CFAP46: variants seen among roughly 807,000 people sequenced by gnomAD.
The protein encoded by CFAP46 is cilia and flagella associated protein 46, also known as cilia- and flagella-associated protein 46.
A neutral mutation model predicts 325.7 loss-of-function variants in CFAP46; 245 were observed. The ratio of observed to expected loss-of-function variants is 0.75; its 90% CI spans 0.68 to 0.84. The LOEUF (loss-of-function observed/expected upper bound fraction) is 0.84. Ranked by LOEUF, CFAP46 falls within the 40% of genes least tolerant of loss-of-function variation. The probability of loss-of-function intolerance (pLI) is 0.00; values close to 1 mark genes in which losing one functional copy is unlikely to be tolerated. For synonymous variants in CFAP46, 1,523 were observed against 1,495.9 expected, an observed-to-expected ratio of 1.02 and a Z score of -0.42; for missense variants, 3,346 against 3,543.0, an observed-to-expected ratio of 0.94 and a Z score of 1.41.
chr10:132,837,016 G>C (rs891860386), intron 44 of CFAP46, 102 bp from the exon 45 acceptor site: 20 of 927,258 alleles, frequency 2.2e-5, no homozygotes, highest in African/African-American at 3.3e-5. Flanking sequence ...GAGCCACGGC[G>C]GGGGCTTTGT....
rs1467578202 is a variant in CFAP46 at position 132,942,322 on chromosome 10, G to C, written c.49+114C>G. On this transcript the variant is annotated intron_variant, in intron 1 of 57. Transcript: ENST00000368586. ...TGGGGGCTCCGGCTGTGGCCCTCGA[G>C]GGATCACCCATTGGGCGGGCTGGGA... The C allele has an allele frequency of 1.1e-5, 9 of 835,508 alleles. 1 individual carries two copies. Among genetic ancestry groups the C allele is most frequent in the African/African-American group, 3.0e-5 (1 of 32,788 alleles). The allele number at this position is 835,508 out of a possible 1,614,324, so 51.8% of individuals were successfully genotyped here.
At chr10:132,907,814 G>A (rs1484293929) in intron 22 of CFAP46, among the ~76,000 whole-genome samples, 1 of 152,138 alleles carries the variant, frequency 6.6e-6, no homozygotes, top group Non-Finnish European at 1.5e-5. Flanking sequence ...CTTATGAAAG[G>A]GACCCCAGAG....
chr10:132,940,092 G>T (rs1171377617), intron 4 of CFAP46, among the ~76,000 whole-genome samples: 3 of 152,090 alleles, frequency 2.0e-5, no homozygotes, highest in African/African-American at 7.2e-5. Flanking sequence ...AGAATCTGTG[G>T]CTTGAGGTGG....
At chr10:132,824,463 ATGTGTGCTG>A (rs1157951632) in intron 50 of CFAP46, among the ~76,000 whole-genome samples, 29 of 68,932 alleles carry the variant, frequency 4.2e-4, no homozygotes, top group South Asian at 2.4e-3. Flanking sequence ...CTGTGTGCTG[ATGTGTGCTG>A]TGTGTGCTGT....
At chr10:132,860,086 C>G (rs1033875685) in intron 37 of CFAP46, among the ~76,000 whole-genome samples, 1 of 152,214 alleles carries the variant, frequency 6.6e-6, no homozygotes, top group Non-Finnish European at 1.5e-5. Flanking sequence ...TTTGTGAAAG[C>G]TATAAGAACA....
At position 132,808,989 on chromosome 10, in the gene CFAP46, G is replaced by C; in HGVS notation, c.7665-85C>G. Reference sequence around the variant, plus strand: ...GAGGACCAGGGCACAGGGGCGGGAAGTGGCAGCTGCTCCAACTGAGGGCGC... The same window carrying C: ...GAGGACCAGGGCACAGGGGCGGGAACTGGCAGCTGCTCCAACTGAGGGCGC... On this transcript the variant is annotated intron_variant, in intron 57 of 57. Coordinates refer to ENST00000368586, the MANE Select transcript of CFAP46 (RefSeq NM_001200049.3). The surrounding 1 kb of genome is among the most constrained non-coding windows in gnomAD (Gnocchi z 6.8). 7.3e-7 allele frequency: 1 copy of C among 1,363,222 alleles called. No individual in the cohort carries two copies. Among genetic ancestry groups the C allele is most frequent in the Non-Finnish European group, 9.8e-7 (1 of 1,015,542 alleles). The allele number at this position is 1,363,222 out of a possible 1,614,324, so 84.4% of individuals were successfully genotyped here.
At chr10:132,911,474 G>T (rs185301300) in intron 19 of CFAP46, among the ~76,000 whole-genome samples, 1 of 152,134 alleles carries the variant, frequency 6.6e-6, no homozygotes, top group Non-Finnish European at 1.5e-5. Context: ...GTGCCCCTGC[G>T]GAGACACTCA....
At chr10:132,882,045 T>TG (rs1849052533) in intron 27 of CFAP46, among the ~76,000 whole-genome samples, 2 of 145,472 alleles carry the variant, frequency 1.4e-5, no homozygotes, top group Non-Finnish European at 3.0e-5. Flanking sequence ...GTGTGGGATG[T>TG]GGGGGGTGTG....
At chr10:132,837,152 G>A (rs1207880471) in intron 44 of CFAP46, 3 of 505,312 alleles carry the variant, frequency 5.9e-6, no homozygotes, top group Admixed American at 3.7e-5. Context: ...ATTTCTCTCC[G>A]GTTGTTAATG....
At chr10:132,904,509 C>G (rs1054970264) in intron 22 of CFAP46, among the ~76,000 whole-genome samples, 24 of 152,248 alleles carry the variant, frequency 1.6e-4, no homozygotes, top group African/African-American at 2.9e-4. Flanking sequence ...ATGACTTCTC[C>G]TTTTCCCTGT....
intron 51 of CFAP46, 38 bp from the exon 52 acceptor site, chr10:132,814,784 A>G (rs1375392321): frequency 1.2e-6 from 2 of 1,613,636 alleles, no homozygotes; most frequent in East Asian, 2.2e-5. Flanking sequence ...TGCAGGGGCC[A>G]GGAGCCTGAC....
intron 10 of CFAP46, among the ~76,000 whole-genome samples, chr10:132,926,363 G>A (rs1020961347): frequency 3.9e-5 from 6 of 152,162 alleles, no homozygotes; most frequent in African/African-American, 1.2e-4. Flanking sequence ...CCACCAGGGC[G>A]GCGTGTAGGC....
Position 132,812,826 on chromosome 10 carries a change from G to A in CFAP46, c.7460C>T (p.Ser2487Phe), listed in dbSNP as rs553381177. 5 of 1,612,206 alleles carry A rather than the reference G, an allele frequency of 3.1e-6. No individual in the cohort carries two copies. The Admixed American group carries it at 5.0e-5, about 16-fold the overall frequency. ...FFFYGMESFL[S>F]HILVERLVAM... ...GACCAATCTCTCCACTAATATATGGGACAGGAAGCTCTCCATTCCATAGAA... is the reference window on the plus strand; with the variant it reads ...GACCAATCTCTCCACTAATATATGGAACAGGAAGCTCTCCATTCCATAGAA... Residue 2487 changes from serine (S) to phenylalanine (F), a missense_variant, in exon 55 of 58, where the codon TCC becomes TTC. Transcript: ENST00000368586.
At chr10:132,848,952 A>G (rs1848488370) in intron 41 of CFAP46, among the ~76,000 whole-genome samples, 1 of 152,264 alleles carries the variant, frequency 6.6e-6, no homozygotes, top group Non-Finnish European at 1.5e-5. Context: ...GGAAAAATAC[A>G]GCCTTGAATA....
intron 50 of CFAP46, among the ~76,000 whole-genome samples, chr10:132,821,978 GTGC>G (rs1171762923): frequency 6.8e-6 from 1 of 146,226 alleles, no homozygotes; most frequent in African/African-American, 2.6e-5. Context: ...GCGCTGATGT[GTGC>G]TGTGTGTGCG....
chr10:132,941,517 T>G, intron 3 of CFAP46, 74 bp downstream of exon 3: 1 of 1,539,654 alleles, frequency 6.5e-7, no homozygotes, highest in Non-Finnish European at 8.8e-7. Context: ...TTAAGCCTGG[T>G]CTAGCCTGGC....
At position 132,918,456 on chromosome 10, in the gene CFAP46, C is replaced by A. The variant is rs971722515; in HGVS notation, c.1923G>T (p.Leu641=). The A allele has an allele frequency of 1.9e-6, 3 of 1,548,998 alleles. No individual in the cohort carries two copies. The highest frequency in any genetic ancestry group is 2.6e-6 in the Non-Finnish European group (3 of 1,145,862). The part of the protein sequence containing the change: ...QDTWSQPEVV[L]QRQVCPDLLR... ...GCAGGTCGGGGCACACCTGCCTCTG[C>A]AGGACGACCTCAGGCTGGCTCCAGG... Residue 641 remains leucine (L), a synonymous_variant, in exon 16 of 58, where the codon CTG becomes CTT. Coordinates refer to ENST00000368586, the MANE Select transcript of CFAP46 (RefSeq NM_001200049.3).
chr10:132,841,081 T>C, intron 44 of CFAP46, among the ~76,000 whole-genome samples: 1 of 152,148 alleles, frequency 6.6e-6, no homozygotes, highest in Middle Eastern at 3.2e-3. Flanking sequence ...ATTCAAACCA[T>C]AGCATTCTGC....
At chr10:132,814,008 G>GA (rs978165080) in intron 54 of CFAP46, 144 bp downstream of exon 54, 63 of 654,142 alleles carry the variant, frequency 9.6e-5, no homozygotes, top group Non-Finnish European at 1.6e-4. Flanking sequence ...GATTCAAGGA[G>GA]CTGGGTCTGT....
Sources: allele counts gnomAD v4.1 joint callset (sites outside exome capture counted in the v4.1 genomes callset), GRCh38; gene constraint gnomAD v4.1.1; non-coding constraint Gnocchi (gnomAD v3.1); transcripts MANE v1.5; gene names NCBI Gene and HGNC (gene_info 2026-07-23, HGNC 2026-07-21).